The following HS3ST4 variants were observed in gnomAD, a reference collection of about 807,000 sequenced individuals.
HS3ST4 encodes the protein heparan sulfate-glucosamine 3-sulfotransferase 4.
HS3ST4 carries 17 observed loss-of-function variants against 29.2 expected under a neutral mutation model. That is an observed-to-expected ratio of 0.58 (90% confidence interval 0.40 to 0.87). The LOEUF is 0.87. Among genes scored for constraint, HS3ST4 ranks in the 40% least tolerant of loss-of-function variants. The pLI, the probability that HS3ST4 is intolerant of heterozygous loss-of-function variation, is 0.00. For synonymous variants in HS3ST4, 314 were observed against 285.7 expected (o/e 1.10, Z -1.00); for missense variants, 627 against 634.5 (o/e 0.99, Z 0.13).
chr16:25,871,389 G>A (rs137859015), intron 1 of HS3ST4, among the ~76,000 whole-genome samples: 90 of 152,278 alleles, frequency 5.9e-4, no homozygotes, highest in African/African-American at 2.2e-3. Context: ...CAGAGAAGGT[G>A]CACAAGGTCT....
At position 25,975,052 on chromosome 16, in the gene HS3ST4, G is replaced by A. The variant is rs151007675; in HGVS notation, c.735-160560G>A. Among the ~76,000 whole-genome samples, 5 of 152,086 alleles carry A rather than the reference G, an allele frequency of 3.3e-5. No homozygotes were observed. In the East Asian group the frequency reaches 9.7e-4, roughly 29 times the overall value. ...CTTCTGCTCTTACCATTTACATCCA[G>A]TGATACATCAGCAATCCTGATATTT... On this transcript the variant is annotated intron_variant, in intron 1 of 1. Transcript: ENST00000331351.
At chr16:25,999,874 TATATATA>T (rs1357621562) in intron 1 of HS3ST4, among the ~76,000 whole-genome samples, 1 of 124,978 alleles carries the variant, frequency 8.0e-6, no homozygotes, top group African/African-American at 3.1e-5. Flanking sequence ...TTATATATTT[TATATATA>T]TTATATATAT....
At chr16:25,751,916 A>G (rs1385621896) in intron 1 of HS3ST4, among the ~76,000 whole-genome samples, 1 of 152,152 alleles carries the variant, frequency 6.6e-6, no homozygotes, top group Non-Finnish European at 1.5e-5. Context: ...GTTGTACATT[A>G]GATTGTTTTT....
At chr16:25,846,663 G>A (rs1484571669) in intron 1 of HS3ST4, among the ~76,000 whole-genome samples, 2 of 151,848 alleles carry the variant, frequency 1.3e-5, no homozygotes, top group African/African-American at 4.8e-5. Flanking sequence ...TTTATAATTT[G>A]AGTGTTCATT....
chr16:26,071,200 C>T (rs757500599), intron 1 of HS3ST4, among the ~76,000 whole-genome samples: 2 of 152,078 alleles, frequency 1.3e-5, no homozygotes, highest in African/African-American at 4.8e-5. Flanking sequence ...CTTTGTGATG[C>T]GAGGAGGGAG....
intron 1 of HS3ST4, among the ~76,000 whole-genome samples, chr16:25,946,836 T>C (rs936050340): frequency 4.6e-5 from 7 of 151,932 alleles, no homozygotes; most frequent in African/African-American, 1.7e-4. Context: ...AAAAAACACT[T>C]CTAGCAGCAA....
chr16:26,116,247 G>A (rs1431287997), intron 1 of HS3ST4, among the ~76,000 whole-genome samples: 1 of 152,210 alleles, frequency 6.6e-6, no homozygotes, highest in Non-Finnish European at 1.5e-5. Context: ...TCTATAGGGT[G>A]ACTTTCTTCA....
intron 1 of HS3ST4, among the ~76,000 whole-genome samples, chr16:25,861,840 C>G (rs1186759925): frequency 6.6e-6 from 1 of 152,188 alleles, no homozygotes; most frequent in Non-Finnish European, 1.5e-5. Context: ...CAAAGTTATA[C>G]TGTAACTTTA....
chr16:26,098,165 A>G (rs1450184253), intron 1 of HS3ST4, among the ~76,000 whole-genome samples: 1 of 152,252 alleles, frequency 6.6e-6, no homozygotes, highest in African/African-American at 2.4e-5. Context: ...CCATTGTGAA[A>G]GACAGCATGG....
At chr16:25,815,567 A>G (rs1967085331) in intron 1 of HS3ST4, among the ~76,000 whole-genome samples, 1 of 151,958 alleles carries the variant, frequency 6.6e-6, no homozygotes, top group Non-Finnish European at 1.5e-5. Context: ...CAGGTGATCC[A>G]CCCCCTTGAC....
At chr16:25,881,723 G>C (rs1016039575) in intron 1 of HS3ST4, among the ~76,000 whole-genome samples, 1 of 152,056 alleles carries the variant, frequency 6.6e-6, no homozygotes, top group Admixed American at 6.6e-5. Context: ...TTCCTAGATG[G>C]TCATTCTCTG....
In HS3ST4 at chr16:25,692,991, T is replaced by A; in HGVS notation, c.574T>A (p.Tyr192Asn). The A allele has an allele frequency of 6.2e-7, 1 of 1,611,238 alleles. No homozygotes were observed. ...ERGGAVSTPDYGEKKLPQALI... is the reference protein window; with the variant it reads ...ERGGAVSTPDNGEKKLPQALI... ...GGGCGGCGCCGTCAGCACCCCCGAC[T>A]ATGGGGAGAAGAAGCTGCCACAGGC... Residue 192 changes from tyrosine to asparagine, a missense_variant, in exon 1 of 2, where the codon TAT becomes AAT. Transcript: ENST00000331351.
chr16:25,712,871 A>G (rs1255148463), intron 1 of HS3ST4, among the ~76,000 whole-genome samples: 1 of 152,130 alleles, frequency 6.6e-6, no homozygotes, highest in African/African-American at 2.4e-5. Flanking sequence ...GGAAGCTGGA[A>G]GTCTGAGATT....
intron 1 of HS3ST4, among the ~76,000 whole-genome samples, chr16:25,759,016 C>T (rs1203385672): frequency 6.6e-6 from 1 of 151,100 alleles, no homozygotes; most frequent in Non-Finnish European, 1.5e-5. Context: ...ACAAAAAACT[C>T]GAAATGGAAG....
At chr16:25,729,614 C>A (rs1356340112) in intron 1 of HS3ST4, among the ~76,000 whole-genome samples, 1 of 151,754 alleles carries the variant, frequency 6.6e-6, no homozygotes, top group African/African-American at 2.4e-5. Context: ...AGACTTGAAT[C>A]CTCTAATTTT....
At chr16:25,889,776 C>T (rs12443773) in intron 1 of HS3ST4, among the ~76,000 whole-genome samples, 38,375 of 151,986 alleles carry the variant, frequency 0.25, 5,161 homozygotes, top group Middle Eastern at 0.29. Context: ...GTAATAATCC[C>T]CACATGTCAT....
chr16:25,792,017 A>AT (rs1226217824), intron 1 of HS3ST4, among the ~76,000 whole-genome samples: 1 of 151,956 alleles, frequency 6.6e-6, no homozygotes, highest in Non-Finnish European at 1.5e-5. Context: ...TTTTTGTTAG[A>AT]TTTTAAGAAC....
intron 1 of HS3ST4, among the ~76,000 whole-genome samples, chr16:25,872,444 A>T (rs900918077): frequency 6.6e-6 from 1 of 152,036 alleles, no homozygotes; most frequent in Non-Finnish European, 1.5e-5. Flanking sequence ...TTGTGGGCAG[A>T]CTCAGCTGAT....
intron 1 of HS3ST4, among the ~76,000 whole-genome samples, chr16:26,006,990 G>T (rs1018444466): frequency 2.0e-5 from 3 of 152,222 alleles, no homozygotes; most frequent in African/African-American, 7.2e-5. Flanking sequence ...CACGATGAGG[G>T]TTGGTTAGAT....
Sources: gnomAD v4.1 joint callset for allele counts (sites outside exome capture counted in the v4.1 genomes callset) on GRCh38, gnomAD v4.1.1 for gene constraint, MANE v1.5 for transcripts, NCBI Gene and HGNC (gene_info 2026-07-23, HGNC 2026-07-21) for gene names.